Variants in LEFTY1 observed in about 807,000 individuals in gnomAD.
The protein encoded by LEFTY1 is left-right determination factor 1.
A neutral mutation model predicts 22.6 loss-of-function variants in LEFTY1; 18 were observed. The ratio of observed to expected loss-of-function variants is 0.80; its 90% CI spans 0.55 to 1.18. LEFTY1 has a LOEUF of 1.18. Among genes scored for constraint, LEFTY1 ranks in the 50% most tolerant of loss-of-function variants. The pLI, the probability that LEFTY1 is intolerant of heterozygous loss-of-function variation, is 0.00. For missense variants in LEFTY1, 414 were observed against 495.4 expected, an observed-to-expected ratio of 0.84 and a Z score of 1.56; for synonymous variants, 201 against 231.5, an observed-to-expected ratio of 0.87 and a Z score of 1.20.
intron 1 of LEFTY1, 60 bp downstream of exon 1, chr1:225,888,757 G>A (rs1559060288): frequency 6.2e-7 from 1 of 1,606,072 alleles, no homozygotes. Flanking sequence ...TGACACCACC[G>A]GAGTGGGCAC....
Position 225,889,139 on chromosome 1 carries a change from C to T in LEFTY1, c.-73G>A. On this transcript the variant is annotated 5_prime_UTR_variant, in exon 1 of 4. Coordinates refer to ENST00000272134, the MANE Select transcript of LEFTY1 (RefSeq NM_020997.4). ...AAGGCTGCAGGAGGGTCTCAGGCAG[C>T]TGGATGTGCTGAGAGCCAAGCCTGG... is the stretch of plus-strand genomic sequence containing the variant. 7.1e-7 allele frequency: 1 copy of T among 1,400,486 alleles called. No homozygotes were observed. Among genetic ancestry groups the T allele is most frequent in the Non-Finnish European group, 9.3e-7 (1 of 1,078,282 alleles). The allele number at this position is 1,400,486 out of a possible 1,614,324, so 86.8% of individuals were successfully genotyped here.
chr1:225,887,327 T>C (rs1211700738), intron 3 of LEFTY1, 72 bp downstream of exon 3: 5 of 1,599,614 alleles, frequency 3.1e-6, no homozygotes, highest in African/African-American at 2.7e-5. Flanking sequence ...CTCTGAAAAG[T>C]TGTCCATTTC....
At position 225,889,055 on chromosome 1, in the gene LEFTY1, C is replaced by T; in HGVS notation, c.12G>A (p.Leu4=). MQP[L]WLCWALWVLP... ...ACACCCAGAGTGCCCAGCAGAGCCA[C>T]AGGGGCTGCATGGTGCTGCCCTGGA... Residue 4 remains leucine (L), a synonymous_variant, in exon 1 of 4, where the codon CTG becomes CTA. Coordinates refer to ENST00000272134, the MANE Select transcript of LEFTY1 (RefSeq NM_020997.4). The T allele has an allele frequency of 6.8e-7, 1 of 1,478,134 alleles. No individual in the cohort carries two copies. 91.6% of individuals were successfully genotyped at this position (1,478,134 alleles called of 1,614,324 possible).
chr1:225,886,982 C>T lies in LEFTY1; in HGVS notation c.846G>A (p.Val282=). Residue 282 remains valine (V), a synonymous_variant, in exon 4 of 4, where the codon GTG becomes GTA. Transcript: ENST00000272134. ...AAGCCAGGAAGCCCGGGGGCTCCAG[C>T]ACCCAGTTCTCGGCCCACTTCATCC... ...LQGMKWAENW[V]LEPPGFLAYE... The T allele has an allele frequency of 6.2e-7, 1 of 1,611,026 alleles. No homozygotes were observed. The highest frequency in any genetic ancestry group is 1.7e-5 in the Admixed American group (1 of 59,888).
At chr1:225,888,533 G>A (rs1671334064) in intron 1 of LEFTY1, among the ~76,000 whole-genome samples, 1 of 152,212 alleles carries the variant, frequency 6.6e-6, no homozygotes, top group Admixed American at 6.5e-5. Flanking sequence ...AGTTCCATGT[G>A]AGCAAATGGT....
chr1:225,888,913 C>G lies in LEFTY1; in HGVS notation c.154G>C (p.Val52Leu), dbSNP rs1250961826. 6.2e-7 allele frequency: 1 copy of G among 1,612,954 alleles called. No individual in the cohort carries two copies. The highest frequency in any genetic ancestry group is 1.1e-5 in the South Asian group (1 of 90,990). The change falls in exon 1 of 4, where the codon GTC becomes CTC. Residue 52 changes from valine to leucine, a missense_variant. By Grantham distance (32) the Val-to-Leu change is conservative (BLOSUM62 1). This residue lies in a region of LEFTY1 where 398 missense variants were observed against 454.7 expected (regional missense o/e 0.88). Coordinates refer to ENST00000272134, the MANE Select transcript of LEFTY1 (RefSeq NM_020997.4). ...TLDRADMEEL[V>L]IPTHVRAQYV... ...TGGGCCCTCACGTGGGTGGGGATGA[C>G]CAGCTCCTCCATGTCGGCCCTGTCC...
Position 225,886,951 on chromosome 1 carries a change from A to G in LEFTY1, c.877T>C (p.Cys293Arg), listed in dbSNP as rs760269005. 1 of 1,613,406 alleles carries G rather than the reference A, an allele frequency of 6.2e-7. No homozygotes were observed. Among genetic ancestry groups the G allele is most frequent in the Admixed American group, 1.7e-5 (1 of 59,982 alleles). Residue 293 changes from cysteine to arginine, a missense_variant, in exon 4 of 4, where the codon TGT (cysteine) becomes CGT (arginine). By Grantham distance (180) the Cys-to-Arg change is radical. Transcript: ENST00000272134. ...GGGGGCTGCCGGCAGGTGCCCACACACTCATAAGCCAGGAAGCCCGGGGGC... is the reference window on the plus strand; with the variant it reads ...GGGGGCTGCCGGCAGGTGCCCACACGCTCATAAGCCAGGAAGCCCGGGGGC... ...LEPPGFLAYE[C>R]VGTCRQPPEA...
At chr1:225,888,070 C>T (rs895078070) in intron 1 of LEFTY1, 38 bp from the exon 2 acceptor site, 1 of 1,588,154 alleles carries the variant, frequency 6.3e-7, no homozygotes, top group African/African-American at 1.4e-5. Context: ...CCTCCCCCGA[C>T]TCCAGGGGAG....
Position 225,888,855 on chromosome 1 carries a change from T to C in LEFTY1, c.212A>G (p.Asp71Gly). The C allele has an allele frequency of 6.2e-7, 1 of 1,613,214 alleles. No individual in the cohort carries two copies. The highest frequency in any genetic ancestry group is 8.5e-7 in the Non-Finnish European group (1 of 1,179,800). Residue 71 changes from aspartate to glycine, a missense_variant, in exon 1 of 4, where the codon GAC becomes GGC. Physicochemically the swap from Asp to Gly is moderately conservative, Grantham distance 94. Around this residue, in one of 2 missense-constraint regions of LEFTY1, gnomAD observed 398 missense variants for 454.7 expected, o/e 0.88. Coordinates refer to ENST00000272134, the MANE Select transcript of LEFTY1 (RefSeq NM_020997.4). ...YVALLQRSHG[D>G]RSRGKRFSQS... ...GCTGAACCTCTTTCCGCGGGAGCGG[T>C]CCCCGTGGCTGCGCTGCAGCAGGGC...
Position 225,889,087 on chromosome 1 carries a change from A to G in LEFTY1, c.-21T>C. The G allele has an allele frequency of 6.9e-7, 1 of 1,451,470 alleles. No individual in the cohort carries two copies. The highest frequency in any genetic ancestry group is 2.4e-5 in the East Asian group (1 of 41,222). 89.9% of individuals were successfully genotyped at this position (1,451,470 alleles called of 1,614,324 possible). On this transcript the variant is annotated 5_prime_UTR_variant, in exon 1 of 4. Transcript: ENST00000272134. ...TGCATGGTGCTGCCCTGGAGGAGCA[A>G]GAGGCAGAGTGGGGCTGTCCCTTGA...
At chr1:225,887,298 CTCAT>C in intron 3 of LEFTY1, 97 bp downstream of exon 3, 1 of 1,571,768 alleles carries the variant, frequency 6.4e-7, no homozygotes, top group African/African-American at 1.4e-5. Flanking sequence ...TATACATTGT[CTCAT>C]TCATTCCCAC....
Position 225,886,660 on chromosome 1 carries a change from C to T in LEFTY1, c.*67G>A. The T allele has an allele frequency of 6.2e-7, 1 of 1,606,240 alleles. No individual in the cohort carries two copies. Among genetic ancestry groups the T allele is most frequent in the South Asian group, 1.1e-5 (1 of 90,370 alleles). On this transcript the variant is annotated 3_prime_UTR_variant, in exon 4 of 4. Transcript: ENST00000272134. ...ATCAGCAGTTCAGTCATCGCCAGCT[C>T]TCCTGGTACCCTCGAACACTTCAGA...
chr1:225,886,646 A>G lies in LEFTY1; in HGVS notation c.*81T>C. 6.3e-7 allele frequency: 1 copy of G among 1,593,414 alleles called. No individual in the cohort carries two copies. Among genetic ancestry groups the G allele is most frequent in the Non-Finnish European group, 8.5e-7 (1 of 1,171,380 alleles). On this transcript the variant is annotated 3_prime_UTR_variant, in exon 4 of 4. Coordinates refer to ENST00000272134, the MANE Select transcript of LEFTY1 (RefSeq NM_020997.4). The stretch of plus-strand genomic sequence containing the variant: ...CAGAGCATTTGTCCATCAGCAGTTC[A>G]GTCATCGCCAGCTCTCCTGGTACCC...
chr1:225,888,302 G>C (rs1366947829), intron 1 of LEFTY1, among the ~76,000 whole-genome samples: 4 of 152,160 alleles, frequency 2.6e-5, no homozygotes, highest in South Asian at 2.1e-4. Context: ...CTGGCATTGG[G>C]TCTAGCTCTG....
Position 225,886,527 on chromosome 1 carries a change from G to A in LEFTY1, c.*200C>T. 1 of 972,992 alleles carries A rather than the reference G, an allele frequency of 1.0e-6. No individual in the cohort carries two copies. The highest frequency in any genetic ancestry group is 1.5e-6 in the Non-Finnish European group (1 of 678,322). The allele number at this position is 972,992 out of a possible 1,614,324, so 60.3% of individuals were successfully genotyped here. On this transcript the variant is annotated 3_prime_UTR_variant, in exon 4 of 4. Transcript: ENST00000272134. ...TAAGAATAGAGAAAACTGAGCAAGG[G>A]CTCTCCAGTGGCCAAAGATTCTCAT...
In LEFTY1 at chr1:225,886,664, T is replaced by C. The variant is rs967361255; in HGVS notation, c.*63A>G. 1.9e-5 allele frequency: 30 copies of C among 1,607,532 alleles called. No homozygotes were observed. Among genetic ancestry groups the C allele is most frequent in the Middle Eastern group, 4.2e-4 (2 of 4,810 alleles). On this transcript the variant is annotated 3_prime_UTR_variant, in exon 4 of 4. Coordinates refer to ENST00000272134, the MANE Select transcript of LEFTY1 (RefSeq NM_020997.4). ...GCAGTTCAGTCATCGCCAGCTCTCC[T>C]GGTACCCTCGAACACTTCAGAAACA...
intron 1 of LEFTY1, among the ~76,000 whole-genome samples, chr1:225,888,269 G>A (rs1444975299): frequency 6.6e-6 from 1 of 152,174 alleles, no homozygotes; most frequent in Non-Finnish European, 1.5e-5. Flanking sequence ...GAGATGCTGG[G>A]AGCAGAATCC....
At position 225,886,874 on chromosome 1, in the gene LEFTY1, G is replaced by C; in HGVS notation, c.954C>G (p.Ala318=). 1 of 1,613,990 alleles carries C rather than the reference G, an allele frequency of 6.2e-7. No individual in the cohort carries two copies. The highest frequency in any genetic ancestry group is 8.5e-7 in the Non-Finnish European group (1 of 1,180,038). The change falls in exon 4 of 4, where the codon GCC becomes GCG. Residue 318 remains alanine, a synonymous_variant. Transcript: ENST00000272134. The part of the protein sequence containing the change: ...WPFLGPRQCI[A]SETDSLPMIV... ...TCATGGGCAGCGAGTCAGTCTCCGAGGCGATGCACTGTCGAGGCCCCAGAA... is the reference window on the plus strand; with the variant it reads ...TCATGGGCAGCGAGTCAGTCTCCGACGCGATGCACTGTCGAGGCCCCAGAA...
chr1:225,886,830 C>G lies in LEFTY1; in HGVS notation c.998G>C (p.Gly333Ala). Residue 333 changes from glycine to alanine, a missense_variant, in exon 4 of 4, where the codon GGA (glycine) becomes GCA (alanine). Around this residue, in one of 2 missense-constraint regions of LEFTY1, gnomAD observed 398 missense variants for 454.7 expected, o/e 0.88. Transcript: ENST00000272134. ...SLPMIVSIKEGGRTRPQVVSL... is the reference protein window; with the variant it reads ...SLPMIVSIKEAGRTRPQVVSL... ...GACCACCTGGGGCCTGGTCCTGCCT[C>G]CCTCCTTGATGCTGACGATCATGGG... 1 of 1,613,916 alleles carries G rather than the reference C, an allele frequency of 6.2e-7. No individual in the cohort carries two copies. Among genetic ancestry groups the G allele is most frequent in the Admixed American group, 1.7e-5 (1 of 60,028 alleles).
Sources: allele counts gnomAD v4.1 joint callset (sites outside exome capture counted in the v4.1 genomes callset), GRCh38; gene constraint gnomAD v4.1.1; regional missense constraint gnomAD v4.1.1; transcripts MANE v1.5; gene names NCBI Gene and HGNC (gene_info 2026-07-23, HGNC 2026-07-21).